PPP2R2B: variants seen among roughly 807,000 people sequenced by gnomAD.
The protein encoded by PPP2R2B is serine/threonine-protein phosphatase 2A 55 kDa regulatory subunit B beta isoform.
Under a neutral mutation model 46.0 loss-of-function variants are expected in PPP2R2B, and 5 were observed. The ratio of observed to expected loss-of-function variants is 0.11; its 90% CI spans 0.06 to 0.23. The LOEUF (loss-of-function observed/expected upper bound fraction) is 0.23, where lower values mean the gene tolerates loss of function less well. Ranked by LOEUF, PPP2R2B falls within the 10% of genes least tolerant of loss-of-function variation. The pLI is 1.00. For missense variants in PPP2R2B, 367 were observed against 575.0 expected, an observed-to-expected ratio of 0.64 and a Z score of 3.70; for synonymous variants, 215 against 206.7, an observed-to-expected ratio of 1.04 and a Z score of -0.34.
intron 2 of PPP2R2B, among the ~76,000 whole-genome samples, chr5:146,729,190 A>G (rs1264955795): frequency 6.6e-6 from 1 of 152,056 alleles, no homozygotes; most frequent in African/African-American, 2.4e-5. Flanking sequence ...AGCAAAGGTG[A>G]CTCTTGTTAT....
At chr5:146,756,916 C>T (rs1753870027) in intron 2 of PPP2R2B, among the ~76,000 whole-genome samples, 1 of 152,172 alleles carries the variant, frequency 6.6e-6, no homozygotes, top group African/African-American at 2.4e-5. Context: ...AATGTGGTTC[C>T]TCTCCTTGCA....
chr5:146,904,154 G>A (rs1028709209), intron 1 of PPP2R2B, among the ~76,000 whole-genome samples: 3 of 152,088 alleles, frequency 2.0e-5, no homozygotes, highest in African/African-American at 7.2e-5. Flanking sequence ...AAAGACCAAA[G>A]TATTGTATTT....
At chr5:146,662,150 C>T (rs322978) in intron 5 of PPP2R2B, among the ~76,000 whole-genome samples, 3,345 of 152,054 alleles carry the variant, frequency 0.022, 114 homozygotes, top group African/African-American at 0.077. Flanking sequence ...CATTTATTAC[C>T]GTGGAATATA....
At chr5:147,050,861 G>A (rs1355508519) in intron 1 of PPP2R2B, among the ~76,000 whole-genome samples, 2 of 151,740 alleles carry the variant, frequency 1.3e-5, no homozygotes, top group Admixed American at 1.3e-4. Flanking sequence ...CAGCAAACAT[G>A]CTTCCGGGTG....
chr5:146,589,912 C>T lies in PPP2R2B; in HGVS notation c.*35G>A, dbSNP rs765971553. ...TTTAAAAACTTGTTTGACTAGTATT[C>T]AGTATGTGAGATTATTAAGTAATAA... is the stretch of plus-strand genomic sequence containing the variant. On this transcript the variant is annotated 3_prime_UTR_variant, in exon 10 of 10. Coordinates refer to ENST00000394411, the MANE Select transcript of PPP2R2B (RefSeq NM_181675.4). The T allele has an allele frequency of 2.6e-5, 42 of 1,589,296 alleles. No homozygotes were observed. The Middle Eastern group carries it at 6.7e-4, about 25-fold the overall frequency.
At position 146,657,652 on chromosome 5, in the gene PPP2R2B, G is replaced by A. The variant is rs534418717; in HGVS notation, c.448-6928C>T. 2.7e-5 allele frequency among the ~76,000 whole-genome samples: 4 copies of A among 147,456 alleles called. No individual in the cohort carries two copies. The South Asian group carries it at 9.1e-4, about 33-fold the overall frequency. On this transcript the variant is annotated intron_variant, in intron 5 of 9. Transcript: ENST00000394411. ...CTTAACTTATCCTGAATCTTACTAA[G>A]GTGTACTATGCAATTCATAAACACT...
intron 2 of PPP2R2B, among the ~76,000 whole-genome samples, chr5:146,791,449 G>A (rs140175663): frequency 1.3e-5 from 2 of 152,156 alleles, no homozygotes; most frequent in Admixed American, 6.5e-5. Context: ...ACAGCTTACA[G>A]GTCTGAGCTA....
chr5:146,921,686 CTA>C (rs1020072344), intron 1 of PPP2R2B, among the ~76,000 whole-genome samples: 85 of 152,162 alleles, frequency 5.6e-4, no homozygotes, highest in African/African-American at 2.0e-3. Flanking sequence ...CTGTGAACTT[CTA>C]TATCAGTTCA....
chr5:147,069,981 G>T (rs1319620541), intron 2 of PPP2R2B, among the ~76,000 whole-genome samples: 2 of 151,760 alleles, frequency 1.3e-5, no homozygotes, highest in Non-Finnish European at 2.9e-5. Context: ...AGTAGAGACA[G>T]AGTTTCACCA....
At chr5:146,921,082 C>T (rs574490363) in intron 1 of PPP2R2B, among the ~76,000 whole-genome samples, 21 of 152,268 alleles carry the variant, frequency 1.4e-4, no homozygotes, top group African/African-American at 4.8e-4. Context: ...GAGGGAAAAA[C>T]TATTCTAGAG....
At chr5:146,595,226 G>T (rs1771056251) in intron 8 of PPP2R2B, among the ~76,000 whole-genome samples, 1 of 152,162 alleles carries the variant, frequency 6.6e-6, no homozygotes, top group Non-Finnish European at 1.5e-5. Context: ...GGGCTGCAAG[G>T]GTGAGGCTGT....
intron 2 of PPP2R2B, among the ~76,000 whole-genome samples, chr5:146,745,715 T>C (rs930088973): frequency 1.3e-5 from 2 of 152,172 alleles, no homozygotes; most frequent in African/African-American, 4.8e-5. Context: ...ATCTCAGCAC[T>C]TTGGGAGGCC....
chr5:146,894,134 T>C (rs1200896396), intron 1 of PPP2R2B, among the ~76,000 whole-genome samples: 1 of 152,220 alleles, frequency 6.6e-6, no homozygotes, highest in Non-Finnish European at 1.5e-5. Context: ...ATCTCTTGGC[T>C]GTGTTCCTGC....
At chr5:146,595,287 A>G (rs322473) in intron 8 of PPP2R2B, among the ~76,000 whole-genome samples, 109,803 of 152,040 alleles carry the variant, frequency 0.72, 39,836 homozygotes, top group African/African-American at 0.76. Context: ...ATTCACCTTC[A>G]CTAGGGGGCA....
chr5:146,600,153 G>A, intron 8 of PPP2R2B, 138 bp downstream of exon 8: 1 of 890,614 alleles, frequency 1.1e-6, no homozygotes, highest in Non-Finnish European at 1.7e-6. Flanking sequence ...GGCACTTATA[G>A]CCTGTACCAT....
intron 2 of PPP2R2B, among the ~76,000 whole-genome samples, chr5:146,775,503 A>T (rs933162137): frequency 6.6e-6 from 1 of 152,192 alleles, no homozygotes; most frequent in African/African-American, 2.4e-5. Flanking sequence ...TCAATTTGAT[A>T]AAAGCCATGT....
At position 146,589,266 on chromosome 5, in the gene PPP2R2B, C is replaced by T. The variant is rs1195076762; in HGVS notation, c.*681G>A. 3 of 152,294 alleles carry T rather than the reference C, an allele frequency of 2.0e-5. No individual in the cohort carries two copies. The East Asian group carries it at 5.8e-4, about 29-fold the overall frequency. The allele number at this position is 152,294 out of a possible 1,614,324, so 9.4% of individuals were successfully genotyped here. Reference sequence around the variant, plus strand: ...GTGTCGAAAGTGCTCTCTTTCTGTCCCCTGAAGCATTCAAGTTCCCTAGCC... The same window carrying T: ...GTGTCGAAAGTGCTCTCTTTCTGTCTCCTGAAGCATTCAAGTTCCCTAGCC... On this transcript the variant is annotated 3_prime_UTR_variant, in exon 10 of 10. Coordinates refer to ENST00000394411, the MANE Select transcript of PPP2R2B (RefSeq NM_181675.4).
intron 1 of PPP2R2B, among the ~76,000 whole-genome samples, chr5:147,028,838 G>T (rs1011026919): frequency 1.3e-5 from 2 of 152,122 alleles, no homozygotes; most frequent in African/African-American, 2.4e-5. Flanking sequence ...AACAACCATT[G>T]ATATTTTTAG....
chr5:146,757,435 GAAGA>G (rs971209211), intron 2 of PPP2R2B, among the ~76,000 whole-genome samples: 15 of 152,180 alleles, frequency 9.9e-5, no homozygotes, highest in Admixed American at 7.9e-4. Context: ...CACAAAAATA[GAAGA>G]AAGAGACACA....
Sources: allele counts gnomAD v4.1 joint callset (sites outside exome capture counted in the v4.1 genomes callset), GRCh38; gene constraint gnomAD v4.1.1; transcripts MANE v1.5; gene names NCBI Gene and HGNC (gene_info 2026-07-23, HGNC 2026-07-21).